SCN11A: variants seen among roughly 807,000 people sequenced by gnomAD.
SCN11A encodes sodium channel protein type 11 subunit alpha.
A neutral mutation model predicts 162.2 loss-of-function variants in SCN11A; 122 were observed. The observed-to-expected ratio is 0.75, with a 90% CI of 0.65 to 0.87. The LOEUF (loss-of-function observed/expected upper bound fraction) is 0.87. Among genes scored for constraint, SCN11A ranks in the 40% least tolerant of loss-of-function variants. The pLI, the probability that SCN11A is intolerant of heterozygous loss-of-function variation, is 0.00. For synonymous variants in SCN11A, 758 were observed against 751.5 expected (o/e 1.01, Z -0.14); for missense variants, 2,015 against 2,181.6 (o/e 0.92, Z 1.52).
In SCN11A at chr3:38,926,864, C is replaced by T; in HGVS notation, c.556G>A (p.Asp186Asn). 8 of 1,613,014 alleles carry T rather than the reference C, an allele frequency of 5.0e-6. No homozygotes were observed. Among genetic ancestry groups the T allele is most frequent in the Non-Finnish European group, 6.8e-6 (8 of 1,179,018 alleles). Residue 186 changes from aspartate (D) to asparagine (N), a missense_variant, in exon 8 of 30, where the codon GAT (aspartate) becomes AAT (asparagine). Coordinates refer to ENST00000302328, the MANE Select transcript of SCN11A (RefSeq NM_001349253.2). Reference sequence around the variant, plus strand: ...GGATCTCGAAGGAAAGAAAACTCATCCAGAATGAAACCTCTTGCCAATATT... The same window carrying T: ...GGATCTCGAAGGAAAGAAAACTCATTCAGAATGAAACCTCTTGCCAATATT... ...IKILARGFIL[D>N]EFSFLRDPWN...
intron 1 of SCN11A, among the ~76,000 whole-genome samples, chr3:39,049,198 T>A (rs533035307): frequency 6.6e-6 from 1 of 152,204 alleles, no homozygotes; most frequent in African/African-American, 2.4e-5. Context: ...CAGGACAGTA[T>A]CAAAAAGGGT....
At chr3:38,967,757 T>C (rs1271252572) in intron 2 of SCN11A, among the ~76,000 whole-genome samples, 1 of 152,198 alleles carries the variant, frequency 6.6e-6, no homozygotes, top group Non-Finnish European at 1.5e-5. Context: ...TAAAAGATGA[T>C]TCCTGCATAT....
At chr3:38,921,481 TCCTGCCCTATG>T (rs1242248359) in intron 9 of SCN11A, among the ~76,000 whole-genome samples, 1 of 152,168 alleles carries the variant, frequency 6.6e-6, no homozygotes, top group Non-Finnish European at 1.5e-5. Flanking sequence ...ATCTCTCTAT[TCCTGCCCTATG>T]CCTGCCTCAG....
At chr3:39,027,308 T>C (rs566134502) in intron 2 of SCN11A, among the ~76,000 whole-genome samples, 4 of 152,304 alleles carry the variant, frequency 2.6e-5, no homozygotes, top group African/African-American at 4.8e-5. Flanking sequence ...TCTGGCAGGA[T>C]AGATCCTCCT....
At chr3:38,866,109 A>C (rs2065036148) in intron 27 of SCN11A, among the ~76,000 whole-genome samples, 1 of 152,210 alleles carries the variant, frequency 6.6e-6, no homozygotes, top group Non-Finnish European at 1.5e-5. Flanking sequence ...GAAGAGCAAG[A>C]AATTTAAAAA....
intron 7 of SCN11A, among the ~76,000 whole-genome samples, chr3:38,930,890 T>G (rs1056720134): frequency 1.3e-5 from 2 of 151,974 alleles, no homozygotes; most frequent in Middle Eastern, 3.4e-3. Context: ...TAAAGAGGGG[T>G]TTTCCTCCCT....
chr3:39,016,320 G>C (rs185617720), intron 2 of SCN11A, among the ~76,000 whole-genome samples: 1 of 152,292 alleles, frequency 6.6e-6, no homozygotes, highest in East Asian at 1.9e-4. Context: ...AGTTGTTCAG[G>C]GGTGATCCCC....
chr3:38,888,388 C>T (rs144224039), intron 19 of SCN11A, among the ~76,000 whole-genome samples: 89 of 152,286 alleles, frequency 5.8e-4, no homozygotes, highest in African/African-American at 2.0e-3. Flanking sequence ...ACTTAGACTG[C>T]AAAGAGAATG....
intron 2 of SCN11A, among the ~76,000 whole-genome samples, chr3:39,003,895 T>C (rs2030889512): frequency 6.6e-6 from 1 of 151,954 alleles, no homozygotes; most frequent in African/African-American, 2.4e-5. Flanking sequence ...TGTAAATTTG[T>C]TTAAGTTCCT....
chr3:39,003,582 T>A (rs1477758476), intron 2 of SCN11A, among the ~76,000 whole-genome samples: 1 of 152,238 alleles, frequency 6.6e-6, no homozygotes, highest in Non-Finnish European at 1.5e-5. Context: ...GTAGTTCTAC[T>A]TTTAGCTCTT....
intron 7 of SCN11A, among the ~76,000 whole-genome samples, chr3:38,939,867 C>A (rs2066413642): frequency 6.6e-6 from 1 of 150,658 alleles, no homozygotes; most frequent in African/African-American, 2.4e-5. Context: ...CGCGCCATTG[C>A]ACTCCAGCCT....
intron 28 of SCN11A, among the ~76,000 whole-genome samples, chr3:38,858,180 A>G (rs1200196208): frequency 6.6e-6 from 1 of 152,180 alleles, no homozygotes; most frequent in East Asian, 1.9e-4. Flanking sequence ...ACATCTCAAT[A>G]CTAACGTAGA....
At chr3:39,040,879 C>T (rs1325352221) in intron 1 of SCN11A, among the ~76,000 whole-genome samples, 1 of 151,852 alleles carries the variant, frequency 6.6e-6, no homozygotes, top group Non-Finnish European at 1.5e-5. Flanking sequence ...GAGATCGAGA[C>T]CATCCTGACT....
chr3:38,938,537 TATATATATATA>T (rs2066382856), intron 7 of SCN11A, among the ~76,000 whole-genome samples: 2 of 23,936 alleles, frequency 8.4e-5, no homozygotes, highest in Non-Finnish European at 1.6e-4. Context: ...TATATATATA[TATATATATATA>T]TATTTTTTTT....
At chr3:38,906,089 A>C (rs1368106975) in intron 14 of SCN11A, among the ~76,000 whole-genome samples, 1 of 152,194 alleles carries the variant, frequency 6.6e-6, no homozygotes, top group Non-Finnish European at 1.5e-5. Flanking sequence ...TACAGCAGAG[A>C]ACTGATCATA....
intron 28 of SCN11A, among the ~76,000 whole-genome samples, chr3:38,854,714 C>T (rs764337021): frequency 1.6e-4 from 24 of 152,190 alleles, no homozygotes; most frequent in Non-Finnish European, 3.2e-4. Context: ...AACACACATC[C>T]CCACTGGGGA....
chr3:38,904,832 G>A (rs1206080997), intron 15 of SCN11A, among the ~76,000 whole-genome samples: 1 of 152,160 alleles, frequency 6.6e-6, no homozygotes, highest in African/African-American at 2.4e-5. Context: ...ACCTCCTGGA[G>A]ACTTCAAAGT....
intron 9 of SCN11A, among the ~76,000 whole-genome samples, chr3:38,924,427 G>A (rs2066104279): frequency 4.6e-5 from 7 of 151,766 alleles, no homozygotes; most frequent in Admixed American, 4.6e-4. Context: ...AGGCTGGAGT[G>A]CAATGGGGCG....
rs769224308 is a variant in SCN11A, at chr3:38,894,925, T to G, written c.2443A>C (p.Ser815Arg). ...LFIALLLNSF[S>R]NEERNGNLEG... ...AAGTTTCCATTTCTTTCCTCATTGC[T>G]AAAGGAATTGAGCAGTAAGGCAATG... The change falls in exon 19 of 30, where the codon AGC becomes CGC. Residue 815 changes from serine to arginine, a missense_variant. Ser to Arg is a moderately radical substitution (Grantham distance 110). Transcript: ENST00000302328. 7 of 1,613,630 alleles carry G rather than the reference T, an allele frequency of 4.3e-6. No individual in the cohort carries two copies. The East Asian group carries it at 1.6e-4, about 36-fold the overall frequency.
Sources: allele counts gnomAD v4.1 joint callset (sites outside exome capture counted in the v4.1 genomes callset), GRCh38; gene constraint gnomAD v4.1.1; transcripts MANE v1.5; gene names NCBI Gene and HGNC (gene_info 2026-07-23, HGNC 2026-07-21).